PNLIPRP3: variants seen among roughly 807,000 people sequenced by gnomAD.
PNLIPRP3 encodes pancreatic lipase related protein 3, also known as pancreatic lipase-related protein 3.
Under a neutral mutation model 52.8 loss-of-function variants are expected in PNLIPRP3, and 58 were observed. The ratio of observed to expected loss-of-function variants is 1.10; its 90% confidence interval spans 0.89 to 1.37. The LOEUF is 1.37. Among genes scored for constraint, PNLIPRP3 ranks in the 40% most tolerant of loss-of-function variants. PNLIPRP3 has a pLI of 0.00. For missense variants in PNLIPRP3, 593 were observed against 561.6 expected (o/e 1.06, Z -0.57); for synonymous variants, 192 against 185.0 (o/e 1.04, Z -0.31).
In PNLIPRP3 at chr10:116,477,264, C is replaced by T; in HGVS notation, c.*111C>T. ...CCCTTGTAAATGACTTAGTCATTTA[C>T]AAGGGTCTTACTCAGAGTCAAGTAC... is the stretch of plus-strand genomic sequence containing the variant. On this transcript the variant is annotated 3_prime_UTR_variant, in exon 12 of 12. Coordinates refer to ENST00000369230, the MANE Select transcript of PNLIPRP3 (RefSeq NM_001011709.3). 3 of 820,998 alleles carry T rather than the reference C, an allele frequency of 3.7e-6. No homozygotes were observed. The highest frequency in any genetic ancestry group is 1.6e-5 in the South Asian group (1 of 61,560). 50.9% of individuals were successfully genotyped at this position (820,998 alleles called of 1,614,324 possible). A position where few individuals can be genotyped will look rare whatever the true frequency, so the allele number is the denominator to read the frequency against.
intron 10 of PNLIPRP3, among the ~76,000 whole-genome samples, chr10:116,472,665 C>T (rs953026101): frequency 4.6e-5 from 7 of 152,204 alleles, no homozygotes; most frequent in African/African-American, 1.7e-4. Flanking sequence ...GTCATCTTGC[C>T]TTGGTCCAAC....
chr10:116,473,825 TG>T (rs1196490632), intron 10 of PNLIPRP3, among the ~76,000 whole-genome samples: 1 of 151,914 alleles, frequency 6.6e-6, no homozygotes, highest in Non-Finnish European at 1.5e-5. Flanking sequence ...CTGGCCAAAC[TG>T]CTAAATTTCT....
intron 2 of PNLIPRP3, chr10:116,439,366 G>C: frequency 2.1e-6 from 1 of 472,736 alleles, no homozygotes; most frequent in Non-Finnish European, 3.9e-6. Flanking sequence ...TAAACCTAAT[G>C]AGGGCAACAG....
At chr10:116,445,889 C>G (rs1053725507) in intron 4 of PNLIPRP3, among the ~76,000 whole-genome samples, 1 of 152,032 alleles carries the variant, frequency 6.6e-6, no homozygotes, top group Non-Finnish European at 1.5e-5. Flanking sequence ...AAGTTACTAG[C>G]CCACCACAAT....
chr10:116,469,471 G>A (rs1310608092), intron 9 of PNLIPRP3, among the ~76,000 whole-genome samples, 154 bp downstream of exon 9: 1 of 152,198 alleles, frequency 6.6e-6, no homozygotes, highest in Non-Finnish European at 1.5e-5. Context: ...ATTGAGTTTA[G>A]GCTAGTGGGA....
intron 5 of PNLIPRP3, 83 bp downstream of exon 5, chr10:116,455,913 C>A: frequency 1.0e-6 from 1 of 954,962 alleles, no homozygotes; most frequent in Non-Finnish European, 1.6e-6. Flanking sequence ...CCAAGTAATA[C>A]TGCAGAAGAA....
intron 9 of PNLIPRP3, among the ~76,000 whole-genome samples, chr10:116,470,698 C>T (rs752548270): frequency 2.0e-4 from 30 of 151,808 alleles, no homozygotes; most frequent in Non-Finnish European, 2.6e-4. Context: ...TTAGTAGAGA[C>T]GGGGTTTCAC....
chr10:116,474,586 C>T (rs1033701168), intron 10 of PNLIPRP3, among the ~76,000 whole-genome samples: 3 of 152,126 alleles, frequency 2.0e-5, no homozygotes, highest in Non-Finnish European at 4.4e-5. Context: ...CTGTAAGGAA[C>T]TTAAACAAAT....
At chr10:116,428,439 T>C (rs1036433466) in intron 1 of PNLIPRP3, among the ~76,000 whole-genome samples, 1 of 152,156 alleles carries the variant, frequency 6.6e-6, no homozygotes, top group Non-Finnish European at 1.5e-5. Flanking sequence ...CTAAGAAGGG[T>C]ACATAGTAAT....
chr10:116,457,944 T>C (rs1846138674), intron 5 of PNLIPRP3, among the ~76,000 whole-genome samples: 1 of 152,222 alleles, frequency 6.6e-6, no homozygotes, highest in Non-Finnish European at 1.5e-5. Flanking sequence ...TTAATCTATA[T>C]TCCTCTGAGA....
At chr10:116,430,221 G>T (rs1332692735) in intron 1 of PNLIPRP3, among the ~76,000 whole-genome samples, 2 of 152,108 alleles carry the variant, frequency 1.3e-5, no homozygotes, top group Non-Finnish European at 2.9e-5. Context: ...GCTTGTAAAA[G>T]GTCTCTTCTC....
intron 2 of PNLIPRP3, chr10:116,439,640 T>A: frequency 1.3e-6 from 1 of 764,242 alleles, no homozygotes; most frequent in Non-Finnish European, 2.4e-6. Flanking sequence ...GCTTTTTCGC[T>A]GCCATTTAAG....
Position 116,463,696 on chromosome 10 carries a change from C to A in PNLIPRP3, c.809-2354C>A, listed in dbSNP as rs117944059. 4.7e-4 allele frequency among the ~76,000 whole-genome samples: 72 copies of A among 152,260 alleles called. 1 individual carries two copies. The East Asian group carries it at 0.014, about 29-fold the overall frequency. Reference sequence around the variant, plus strand: ...AATGGGTGAGGACCCAGGAAGGAGTCATTTGTTGGAAGCAATTATTACATA... The same window carrying A: ...AATGGGTGAGGACCCAGGAAGGAGTAATTTGTTGGAAGCAATTATTACATA... On this transcript the variant is annotated intron_variant, in intron 7 of 11. Coordinates refer to ENST00000369230, the MANE Select transcript of PNLIPRP3 (RefSeq NM_001011709.3).
chr10:116,442,154 T>A (rs1845867816), intron 2 of PNLIPRP3, among the ~76,000 whole-genome samples: 2 of 152,208 alleles, frequency 1.3e-5, no homozygotes, highest in Non-Finnish European at 2.9e-5. Context: ...TAGAATTGCT[T>A]ATACTTGTGC....
At chr10:116,444,212 A>AGATTATGGG (rs1845908159) in intron 3 of PNLIPRP3, among the ~76,000 whole-genome samples, 170 bp from the exon 4 acceptor site, 1 of 152,100 alleles carries the variant, frequency 6.6e-6, no homozygotes, top group Non-Finnish European at 1.5e-5. Context: ...TGAGACGTGC[A>AGATTATGGG]GATTATGGGG....
intron 4 of PNLIPRP3, among the ~76,000 whole-genome samples, chr10:116,453,519 T>G (rs1188290077): frequency 6.6e-6 from 1 of 152,114 alleles, no homozygotes; most frequent in Admixed American, 6.5e-5. Context: ...AAATCTCATA[T>G]TGAAATGTCA....
intron 1 of PNLIPRP3, among the ~76,000 whole-genome samples, chr10:116,435,814 T>A (rs757937965): frequency 6.6e-6 from 1 of 152,170 alleles, no homozygotes; most frequent in East Asian, 1.9e-4. Context: ...CCTTAGGTAA[T>A]TTTTTTACAG....
chr10:116,475,046 A>G (rs982689908), intron 10 of PNLIPRP3, among the ~76,000 whole-genome samples: 4 of 152,210 alleles, frequency 2.6e-5, no homozygotes, highest in Admixed American at 6.5e-5. Flanking sequence ...GTGCCCATCA[A>G]TGACAGACTG....
At chr10:116,468,612 C>T (rs906158060) in intron 8 of PNLIPRP3, among the ~76,000 whole-genome samples, 9 of 152,118 alleles carry the variant, frequency 5.9e-5, no homozygotes, top group African/African-American at 1.2e-4. Context: ...CTGCTGTAAG[C>T]GGGGGCTTCT....
Sources: allele counts gnomAD v4.1 joint callset (sites outside exome capture counted in the v4.1 genomes callset), GRCh38; gene constraint gnomAD v4.1.1; transcripts MANE v1.5; gene names NCBI Gene and HGNC (gene_info 2026-07-23, HGNC 2026-07-21).